HERC2: variants seen among roughly 807,000 people sequenced by gnomAD.
The protein encoded by HERC2 is E3 ubiquitin-protein ligase HERC2.
Under a neutral mutation model 537.7 loss-of-function variants are expected in HERC2, and 102 were observed. The observed-to-expected ratio is 0.19, with a 90% CI of 0.16 to 0.22. HERC2 has a LOEUF of 0.22. Ranked by LOEUF, HERC2 falls within the 10% of genes least tolerant of loss-of-function variation. The probability of loss-of-function intolerance (pLI) is 1.00; values close to 1 mark genes in which losing one functional copy is unlikely to be tolerated. For missense variants in HERC2, 4,236 were observed against 6,198.2 expected (o/e 0.68, Z 10.63); for synonymous variants, 2,224 against 2,466.2 (o/e 0.90, Z 2.91).
rs56723434 is a variant in HERC2 at position 28,201,692 on chromosome 15, T to TA, written c.7618-139dup. Reference sequence around the variant, plus strand: ...TATTTTCTCTATAAAAATCTTCATTTAAAAAAGACTAATAGCAGTAGCATA... The same window carrying TA: ...TATTTTCTCTATAAAAATCTTCATTTAAAAAAAGACTAATAGCAGTAGCATA... On this transcript the variant is annotated intron_variant, in intron 47 of 92. Transcript: ENST00000261609. 3.1e-3 allele frequency: 2,040 copies of TA among 651,114 alleles called. 40 individuals are homozygous for TA. The African/African-American group carries it at 0.035, about 11-fold the overall frequency. The allele number at this position is 651,114 out of a possible 1,614,324, so 40.3% of individuals were successfully genotyped here.
At chr15:28,310,525 C>T (rs1462943510) in intron 2 of HERC2, among the ~76,000 whole-genome samples, 6 of 151,818 alleles carry the variant, frequency 4.0e-5, no homozygotes, top group Admixed American at 1.3e-4. Flanking sequence ...CATTCAGGGC[C>T]CCTGAAGTTT....
intron 87 of HERC2, 48 bp from the exon 88 acceptor site, chr15:28,116,907 T>A (rs1566908704): frequency 1.2e-6 from 2 of 1,608,588 alleles, no homozygotes; most frequent in East Asian, 4.5e-5. Flanking sequence ...CAGTCCTGTG[T>A]AAAGAGAGCC....
At chr15:28,115,383 TG>T in intron 89 of HERC2, 45 bp downstream of exon 89, 1 of 1,324,658 alleles carries the variant, frequency 7.5e-7, no homozygotes, top group Non-Finnish European at 1.1e-6. Flanking sequence ...AGACTGTGCC[TG>T]TTAACAAGAC....
intron 83 of HERC2, among the ~76,000 whole-genome samples, chr15:28,127,965 G>A (rs539566197): frequency 1.3e-5 from 2 of 152,230 alleles, no homozygotes; most frequent in South Asian, 2.1e-4. Context: ...AAGAATGTTC[G>A]CAGTGAAAAG....
At position 28,113,182 on chromosome 15, in the gene HERC2, C is replaced by T. The variant is rs1217901248; in HGVS notation, c.14121G>A (p.Val4707=). 6.2e-7 allele frequency: 1 copy of T among 1,614,166 alleles called. No homozygotes were observed. Among genetic ancestry groups the T allele is most frequent in the South Asian group, 1.1e-5 (1 of 91,076 alleles). Residue 4707 remains valine, a synonymous_variant, in exon 92 of 93, where the codon GTG becomes GTA. Coordinates refer to ENST00000261609, the MANE Select transcript of HERC2 (RefSeq NM_004667.6). The surrounding 1 kb of genome is among the most constrained non-coding windows in gnomAD (Gnocchi z 7.0). ...GCTCTGTGTTGGAGAAGGACTCCAT[C>T]ACCTCCCAGAACCACTGGATCAGCG... The part of the protein sequence containing the change: ...SASLIQWFWE[V]MESFSNTERS...
chr15:28,177,405 A>G lies in HERC2; in HGVS notation c.9254+14T>C, dbSNP rs765619233. 6.2e-7 allele frequency: 1 copy of G among 1,611,776 alleles called. No individual in the cohort carries two copies. The highest frequency in any genetic ancestry group is 1.3e-5 in the African/African-American group (1 of 75,028). On this transcript the variant is annotated intron_variant, in intron 60 of 92. Transcript: ENST00000261609. The surrounding 1 kb of genome is among the most constrained non-coding windows in gnomAD (Gnocchi z 5.0). ...TTTCTTATTAGCAAATGAGACTAAAAAAAGTACCCTTACATTCTGCTGAAG... is the reference window on the plus strand; with the variant it reads ...TTTCTTATTAGCAAATGAGACTAAAGAAAGTACCCTTACATTCTGCTGAAG...
At chr15:28,207,600 G>C (rs1264626413) in intron 44 of HERC2, among the ~76,000 whole-genome samples, 2 of 152,086 alleles carry the variant, frequency 1.3e-5, no homozygotes, top group Non-Finnish European at 2.9e-5. Context: ...CTTTTTGTCT[G>C]TTATGAGTAG....
In HERC2 at chr15:28,248,610, A is replaced by T; in HGVS notation, c.3177T>A (p.Arg1059=). ...ASLDLLLRFQ[R]LLISKLYPGE... ...CTGGATAAAGTTTACTAATAAGCAA[A>T]CGTTGAAAACGCAGTAACAAATCCA... The change falls in exon 21 of 93, where the codon CGT becomes CGA. Residue 1059 remains arginine, a synonymous_variant. Coordinates refer to ENST00000261609, the MANE Select transcript of HERC2 (RefSeq NM_004667.6). The T allele has an allele frequency of 1.9e-6, 3 of 1,614,022 alleles. No individual in the cohort carries two copies. In the South Asian group the frequency reaches 3.3e-5, roughly 18 times the overall value.
chr15:28,174,603 G>A lies in HERC2; in HGVS notation c.9849C>T (p.Asp3283=), dbSNP rs548190535. 6.2e-7 allele frequency: 1 copy of A among 1,611,912 alleles called. No homozygotes were observed. Among genetic ancestry groups the A allele is most frequent in the Admixed American group, 1.7e-5 (1 of 60,012 alleles). ...TDSGQVYAWG[D]NDHGQQGNGT... is the part of the protein sequence containing the mutation. ...CATTGCCCTGCTGGCCGTGGTCGTT[G>A]TCACCCCAAGCATACACCTGTTTAC... Residue 3283 remains aspartate, a synonymous_variant, in exon 65 of 93, where the codon GAC becomes GAT. Transcript: ENST00000261609.
chr15:28,232,598 T>A (rs1474933832), intron 30 of HERC2, among the ~76,000 whole-genome samples: 2 of 152,076 alleles, frequency 1.3e-5, no homozygotes, highest in African/African-American at 4.8e-5. Flanking sequence ...AGTTTATTTA[T>A]AATCACAAGT....
At chr15:28,259,877 A>C (rs527963671) in intron 16 of HERC2, among the ~76,000 whole-genome samples, 1 of 150,428 alleles carries the variant, frequency 6.6e-6, no homozygotes, top group African/African-American at 2.4e-5. Context: ...CTGACGCAGG[A>C]GAATTGCGTG....
chr15:28,280,073 T>C lies in HERC2; in HGVS notation c.537A>G (p.Lys179=), dbSNP rs148005149. 105 of 1,610,622 alleles carry C rather than the reference T, an allele frequency of 6.5e-5. No individual in the cohort carries two copies. The East Asian group carries it at 2.3e-3, about 35-fold the overall frequency. ...TTTCTTCGCTTTATTGTTACCTTTT[T>C]TTGTCCACAGGAGGCAGAGAAATAC... ...SSGISLPPVD[K]KSSRPAGKGV... is the part of the protein sequence containing the mutation. The change falls in exon 5 of 93, where the codon AAA becomes AAG. Residue 179 remains lysine (K), a synonymous_variant. Coordinates refer to ENST00000261609, the MANE Select transcript of HERC2 (RefSeq NM_004667.6).
chr15:28,151,036 T>G (rs537746287), intron 70 of HERC2, among the ~76,000 whole-genome samples: 1 of 152,334 alleles, frequency 6.6e-6, no homozygotes, highest in African/African-American at 2.4e-5. Context: ...ACAGCTATTA[T>G]GCTCTTGTAG....
Position 28,228,259 on chromosome 15 carries a change from G to C in HERC2, c.5423C>G (p.Ser1808Cys), listed in dbSNP as rs1901444240. 1 of 1,613,708 alleles carries C rather than the reference G, an allele frequency of 6.2e-7. No individual in the cohort carries two copies. Among genetic ancestry groups the C allele is most frequent in the Non-Finnish European group, 8.5e-7 (1 of 1,179,862 alleles). Residue 1808 changes from serine to cysteine, a missense_variant, in exon 35 of 93, where the codon TCC becomes TGC. Physicochemically the swap from Ser to Cys is moderately radical, Grantham distance 112. Coordinates refer to ENST00000261609, the MANE Select transcript of HERC2 (RefSeq NM_004667.6). Reference protein sequence around the residue: ...GANNLDLLLNSGMLALTQTAL... With the variant: ...GANNLDLLLNCGMLALTQTAL... ...CGTCTGCGTGAGGGCCAGCATGCCG[G>C]AATTGAGCAGAAGGTCGAGGTTGTT...
intron 35 of HERC2, among the ~76,000 whole-genome samples, chr15:28,227,052 A>G (rs1445210191): frequency 6.6e-6 from 1 of 152,242 alleles, no homozygotes; most frequent in African/African-American, 2.4e-5. Flanking sequence ...AGGCAGGCAG[A>G]TCACCTGAGG....
Position 28,272,980 on chromosome 15 carries a change from G to T in HERC2, c.825C>A (p.Thr275=), listed in dbSNP as rs748386216. ...GCAGGGGGATGCTTCCTGGCCCTTT[G>T]GTGGCTGGCGTTCCGTGAACATCCC... is the stretch of plus-strand genomic sequence containing the variant. The part of the protein sequence containing the change: ...VTGDVHGTPA[T]KGPGSIPLQD... Residue 275 remains threonine (T), a synonymous_variant, in exon 8 of 93, where the codon ACC becomes ACA. Transcript: ENST00000261609. 52 of 1,612,472 alleles carry T rather than the reference G, an allele frequency of 3.2e-5. No individual in the cohort carries two copies. Among genetic ancestry groups the T allele is most frequent in the Middle Eastern group, 2.1e-4 (1 of 4,698 alleles).
At chr15:28,191,710 A>G (rs1896869240) in intron 53 of HERC2, among the ~76,000 whole-genome samples, 2 of 152,234 alleles carry the variant, frequency 1.3e-5, no homozygotes, top group Admixed American at 6.5e-5. Flanking sequence ...GAGGAAAAAA[A>G]GCCTGACCAC....
intron 69 of HERC2, among the ~76,000 whole-genome samples, chr15:28,159,675 G>A (rs1465401657): frequency 2.6e-5 from 4 of 151,812 alleles, no homozygotes; most frequent in Admixed American, 6.5e-5. Context: ...CAATGGGTTC[G>A]AACTTCCTCC....
chr15:28,225,800 A>G (rs1307011291), intron 35 of HERC2, among the ~76,000 whole-genome samples: 2 of 152,158 alleles, frequency 1.3e-5, no homozygotes, highest in Non-Finnish European at 2.9e-5. Flanking sequence ...AAAAGATTAT[A>G]AAAGAACACT....
Sources: allele counts gnomAD v4.1 joint callset (sites outside exome capture counted in the v4.1 genomes callset), GRCh38; gene constraint gnomAD v4.1.1; non-coding constraint Gnocchi (gnomAD v3.1); transcripts MANE v1.5; gene names NCBI Gene and HGNC (gene_info 2026-07-23, HGNC 2026-07-21).